The following SOS1 variants were observed in gnomAD, a reference collection of about 807,000 sequenced individuals.
The protein encoded by SOS1 is son of sevenless homolog 1.
Under a neutral mutation model 157.6 loss-of-function variants are expected in SOS1, and 25 were observed. The ratio of observed to expected loss-of-function variants is 0.16; its 90% confidence interval spans 0.12 to 0.22. SOS1 has a LOEUF of 0.22. Among genes scored for constraint, SOS1 ranks in the 10% least tolerant of loss-of-function variants. SOS1 has a pLI of 1.00. For synonymous variants in SOS1, 528 were observed against 534.0 expected (o/e 0.99, Z 0.16); for missense variants, 1,237 against 1,599.1 (o/e 0.77, Z 3.86).
chr2:39,055,004 T>A (rs1671158566), intron 4 of SOS1, among the ~76,000 whole-genome samples, 181 bp from the exon 5 acceptor site: 1 of 152,206 alleles, frequency 6.6e-6, no homozygotes, highest in Non-Finnish European at 1.5e-5. Flanking sequence ...GAATTCAACA[T>A]GTGATATAAC....
chr2:39,067,204 G>A (rs1671617601), intron 2 of SOS1, among the ~76,000 whole-genome samples: 1 of 151,878 alleles, frequency 6.6e-6, no homozygotes, highest in African/African-American at 2.4e-5. Flanking sequence ...TTTAGAGATG[G>A]GGTCTCACTT....
intron 17 of SOS1, among the ~76,000 whole-genome samples, chr2:38,998,313 G>A (rs1299371121): frequency 6.6e-6 from 1 of 151,870 alleles, no homozygotes; most frequent in Non-Finnish European, 1.5e-5. Context: ...GCAATGGCAC[G>A]ATCTTGGCTC....
At chr2:39,114,014 G>C (rs956567767) in intron 1 of SOS1, among the ~76,000 whole-genome samples, 2 of 152,124 alleles carry the variant, frequency 1.3e-5, no homozygotes, top group African/African-American at 2.4e-5. Context: ...TGACCCCTTA[G>C]CTGCCAAACT....
chr2:39,035,212 C>T lies in SOS1; in HGVS notation c.1074G>A (p.Lys358=). 6.2e-7 allele frequency: 1 copy of T among 1,605,506 alleles called. No individual in the cohort carries two copies. Among genetic ancestry groups the T allele is most frequent in the Non-Finnish European group, 8.5e-7 (1 of 1,172,600 alleles). The part of the protein sequence containing the change: ...YHCLHYFELL[K]QLEEKSEDQE... The stretch of plus-strand genomic sequence containing the variant: ...AAATAACAATAAAGAGTTTTCTTAC[C>T]TTCAAAAGTTCAAAGTAATGGAGAC... Residue 358 remains lysine (K), a splice_region_variant and synonymous_variant, in exon 8 of 23, where the codon AAG becomes AAA. Transcript: ENST00000402219.
At chr2:39,014,010 T>A in intron 11 of SOS1, 21 bp from the exon 12 acceptor site, 2 of 1,577,970 alleles carry the variant, frequency 1.3e-6, no homozygotes, top group South Asian at 2.2e-5. Context: ...ATAGAACAAA[T>A]TAATGAAAAG....
chr2:39,000,725 C>CT (rs2124486712), intron 17 of SOS1, among the ~76,000 whole-genome samples: 1 of 152,330 alleles, frequency 6.6e-6, no homozygotes, highest in East Asian at 1.9e-4. Context: ...TTTCTCTGCT[C>CT]TTTCAAGGGA....
rs1357950263 is a variant in SOS1 at position 39,010,328 on chromosome 2, AAAG to A, written c.2510+253_2510+255del. Among the ~76,000 whole-genome samples the A allele has an allele frequency of 1.8e-3, 274 of 151,554 alleles. 2 individuals are homozygous for A. The highest frequency in any genetic ancestry group is 2.9e-3 in the Non-Finnish European group (198 of 67,872). ...CAGACTCTGTCTCAAAAAAAAAAAA[AAAG>A]AAAAAGAAAGAAAGAAAATTAAAAT... On this transcript the variant is annotated intron_variant, in intron 15 of 22. Coordinates refer to ENST00000402219, the MANE Select transcript of SOS1 (RefSeq NM_005633.4).
At chr2:38,991,204 G>C (rs1668723200) in intron 20 of SOS1, among the ~76,000 whole-genome samples, 1 of 145,298 alleles carries the variant, frequency 6.9e-6, no homozygotes, top group African/African-American at 2.5e-5. Flanking sequence ...ATTCTTGATA[G>C]AAACAAGCAT....
intron 2 of SOS1, among the ~76,000 whole-genome samples, chr2:39,061,899 T>C (rs1012927053): frequency 2.6e-5 from 4 of 152,182 alleles, no homozygotes; most frequent in South Asian, 4.1e-4. Flanking sequence ...GAACCCTGTC[T>C]TCTCCTTTAC....
chr2:38,996,970 G>A lies in SOS1; in HGVS notation c.3033C>T (p.Asn1011=), dbSNP rs1196614292. The A allele has an allele frequency of 1.9e-6, 3 of 1,606,600 alleles. No homozygotes were observed. The African/African-American group carries it at 4.0e-5, about 21-fold the overall frequency. The part of the protein sequence containing the change: ...MEKEFTDYLF[N]KSLEIEPRNP... ...TTCGTGGTTCTATTTCTAGGGATTT[G>A]TTGAAAAGATAATCTGTAAATTCCT... Residue 1011 remains asparagine (N), a synonymous_variant, in exon 19 of 23, where the codon AAC becomes AAT. Transcript: ENST00000402219.
At chr2:39,013,076 T>C (rs1016217951) in intron 13 of SOS1, among the ~76,000 whole-genome samples, 1 of 152,130 alleles carries the variant, frequency 6.6e-6, no homozygotes, top group South Asian at 2.1e-4. Context: ...GTGTTAGACA[T>C]AGAGTCTCAA....
intron 1 of SOS1, among the ~76,000 whole-genome samples, chr2:39,110,068 G>GTT (rs1673364654): frequency 4.4e-4 from 66 of 148,698 alleles, no homozygotes; most frequent in Middle Eastern, 6.8e-3. Context: ...GTGTGTGTGT[G>GTT]TGTGTGTGTG....
intron 1 of SOS1, among the ~76,000 whole-genome samples, chr2:39,106,402 A>G (rs958471016): frequency 6.6e-6 from 1 of 151,796 alleles, no homozygotes; most frequent in Non-Finnish European, 1.5e-5. Flanking sequence ...CATCCCGGCT[A>G]AAACGGTGAA....
chr2:39,071,100 T>C (rs1312689818), intron 1 of SOS1, among the ~76,000 whole-genome samples: 2 of 152,098 alleles, frequency 1.3e-5, no homozygotes, highest in Non-Finnish European at 2.9e-5. Flanking sequence ...ACCCCTGACC[T>C]CAAGTGATCC....
At chr2:39,050,167 T>C (rs1035473537) in intron 6 of SOS1, among the ~76,000 whole-genome samples, 2 of 152,208 alleles carry the variant, frequency 1.3e-5, no homozygotes, top group African/African-American at 4.8e-5. Flanking sequence ...AAAAAAATAT[T>C]TTACAAGCTC....
chr2:39,049,701 T>C (rs563754722), intron 6 of SOS1, among the ~76,000 whole-genome samples: 1 of 152,318 alleles, frequency 6.6e-6, no homozygotes, highest in Non-Finnish European at 1.5e-5. Flanking sequence ...ATGATCACTC[T>C]TCCAAACCAG....
At chr2:39,051,415 C>T (rs896304833) in intron 5 of SOS1, 128 bp from the exon 6 acceptor site, 2 of 788,702 alleles carry the variant, frequency 2.5e-6, no homozygotes, top group African/African-American at 1.7e-5. Context: ...ATTTTAATGA[C>T]TTAGAAATAT....
At chr2:39,108,123 G>C (rs1384896699) in intron 1 of SOS1, among the ~76,000 whole-genome samples, 1 of 151,964 alleles carries the variant, frequency 6.6e-6, no homozygotes, top group African/African-American at 2.4e-5. Context: ...TCCTCTCACT[G>C]CCCTGCTCAA....
At chr2:38,998,527 A>C (rs1668977724) in intron 17 of SOS1, among the ~76,000 whole-genome samples, 1 of 152,200 alleles carries the variant, frequency 6.6e-6, no homozygotes, top group African/African-American at 2.4e-5. Flanking sequence ...CTGGGATTAC[A>C]AGCGTGAGTC....
Sources: gnomAD v4.1 joint callset for allele counts (sites outside exome capture counted in the v4.1 genomes callset) on GRCh38, gnomAD v4.1.1 for gene constraint, MANE v1.5 for transcripts, NCBI Gene and HGNC (gene_info 2026-07-23, HGNC 2026-07-21) for gene names.